The following IMPDH2 variants were observed in gnomAD, a reference collection of about 807,000 sequenced individuals.
The protein encoded by IMPDH2 is inosine monophosphate dehydrogenase 2.
IMPDH2 carries 33 observed loss-of-function variants against 57.8 expected under a neutral mutation model. That is an observed-to-expected ratio of 0.57 (90% CI 0.43 to 0.76). IMPDH2 has a LOEUF of 0.76. IMPDH2 is among the 30% of genes least tolerant of loss of function. IMPDH2 has a pLI of 0.00. For missense variants in IMPDH2, 446 were observed against 659.1 expected (o/e 0.68, Z 3.54); for synonymous variants, 270 against 241.3 (o/e 1.12, Z -1.10).
chr3:49,029,367 C>A lies in IMPDH2; in HGVS notation c.-17G>T, dbSNP rs202072822. The A allele has an allele frequency of 6.5e-7, 1 of 1,541,670 alleles. No homozygotes were observed. The highest frequency in any genetic ancestry group is 1.4e-5 in the African/African-American group (1 of 73,832). On this transcript the variant is annotated 5_prime_UTR_variant, in exon 1 of 14. Transcript: ENST00000326739. ...GTCGGCCATGGCCAACACAGGACACCGCCGCGTGTCTCCGAGGACCGCGCC... is the reference window on the plus strand; with the variant it reads ...GTCGGCCATGGCCAACACAGGACACAGCCGCGTGTCTCCGAGGACCGCGCC...
At chr3:49,027,075 G>A (rs2093202762) in intron 5 of IMPDH2, 28 bp from the exon 6 acceptor site, 1 of 1,524,230 alleles carries the variant, frequency 6.6e-7, no homozygotes, top group Admixed American at 1.7e-5. Flanking sequence ...TGTGAAGAAG[G>A]GCCAGTCATC....
Position 49,028,413 on chromosome 3 carries a change from A to T in IMPDH2, c.249+18T>A. ...CGATGGAGTCCTTGCTCCTTCCCCC[A>T]CACCCCATGGGGCTCACCGCCATTG... On this transcript the variant is annotated intron_variant, in intron 3 of 13. Coordinates refer to ENST00000326739, the MANE Select transcript of IMPDH2 (RefSeq NM_000884.3). The T allele has an allele frequency of 1.2e-6, 2 of 1,611,176 alleles. No homozygotes were observed. Among genetic ancestry groups the T allele is most frequent in the Non-Finnish European group, 1.7e-6 (2 of 1,177,356 alleles).
Position 49,024,335 on chromosome 3 carries a change from C to A in IMPDH2, c.*48G>T. On this transcript the variant is annotated 3_prime_UTR_variant, in exon 14 of 14. Transcript: ENST00000326739. ...AAGATCAGGCATCACTTTTTTCTTT[C>A]TAAACTTTTATTGAAAAAAAAACCG... 6 of 1,607,730 alleles carry A rather than the reference C, an allele frequency of 3.7e-6. 1 individual carries two copies. The highest frequency in any genetic ancestry group is 5.1e-6 in the Non-Finnish European group (6 of 1,175,258).
At chr3:49,024,460 A>G (rs1381543170) in intron 13 of IMPDH2, 35 bp downstream of exon 13, 2 of 1,613,962 alleles carry the variant, frequency 1.2e-6, no homozygotes, top group South Asian at 2.2e-5. Context: ...GGCATGAGGT[A>G]TGGCAGAGGC....
At position 49,026,895 on chromosome 3, in the gene IMPDH2, A is replaced by C. The variant is rs370246056; in HGVS notation, c.620-9T>G. On this transcript the variant is annotated splice_polypyrimidine_tract_variant and intron_variant, in intron 6 of 13. Coordinates refer to ENST00000326739, the MANE Select transcript of IMPDH2 (RefSeq NM_000884.3). ...TACAATGGGCAACTTTCCTGTGGTCAGGGCAGGACATGAATCAGGACCCTA... is the reference window on the plus strand; with the variant it reads ...TACAATGGGCAACTTTCCTGTGGTCCGGGCAGGACATGAATCAGGACCCTA... 1.2e-5 allele frequency: 20 copies of C among 1,614,080 alleles called. No homozygotes were observed. The highest frequency in any genetic ancestry group is 3.3e-5 in the Admixed American group (2 of 60,010).
At chr3:49,025,915 C>T (rs1018341796) in intron 9 of IMPDH2, 2 of 458,788 alleles carry the variant, frequency 4.4e-6, no homozygotes, top group South Asian at 1.6e-5. Context: ...GCACCACAAA[C>T]CCCGGGAGCT....
chr3:49,027,656 T>C (rs962023895), intron 5 of IMPDH2, 54 bp downstream of exon 5: 1 of 1,472,524 alleles, frequency 6.8e-7, no homozygotes, highest in South Asian at 1.1e-5. Flanking sequence ...CAGAAGCCCC[T>C]TGTCTTCAAC....
chr3:49,028,027 C>A lies in IMPDH2; in HGVS notation c.325-111G>T, dbSNP rs80161481. 1.0e-5 allele frequency: 9 copies of A among 870,618 alleles called. No homozygotes were observed. The East Asian group carries it at 2.4e-4, about 23-fold the overall frequency. 53.9% of individuals were successfully genotyped at this position (870,618 alleles called of 1,614,324 possible). On this transcript the variant is annotated intron_variant, in intron 4 of 13. Coordinates refer to ENST00000326739, the MANE Select transcript of IMPDH2 (RefSeq NM_000884.3). Reference sequence around the variant, plus strand: ...CGATCCCTTTGGCAGTGCCACAAGACCAAATCACACCAACACATCTTAGAG... The same window carrying A: ...CGATCCCTTTGGCAGTGCCACAAGAACAAATCACACCAACACATCTTAGAG...
chr3:49,026,955 CT>C lies in IMPDH2; in HGVS notation c.619+4del. ...TCCAGGCCCTTTCCCAGCTCTAGGA[CT>C]TACCCTTCTTGCTGCGCTGCAGAAT... is the stretch of plus-strand genomic sequence containing the variant. On this transcript the variant is annotated splice_donor_region_variant and intron_variant, in intron 6 of 13. Transcript: ENST00000326739. The C allele has an allele frequency of 6.2e-7, 1 of 1,614,036 alleles. No individual in the cohort carries two copies. The highest frequency in any genetic ancestry group is 8.5e-7 in the Non-Finnish European group (1 of 1,179,868).
chr3:49,024,358 C>G lies in IMPDH2; in HGVS notation c.*25G>C, dbSNP rs1325052301. The stretch of plus-strand genomic sequence containing the variant: ...TTCTAAACTTTTATTGAAAAAAAAA[C>G]CGAGGAGGTGTGCTGGATCCCTTTT... On this transcript the variant is annotated 3_prime_UTR_variant, in exon 14 of 14. Transcript: ENST00000326739. 1.2e-6 allele frequency: 2 copies of G among 1,612,378 alleles called. No individual in the cohort carries two copies. The highest frequency in any genetic ancestry group is 1.7e-6 in the Non-Finnish European group (2 of 1,178,860).
chr3:49,026,521 T>C lies in IMPDH2; in HGVS notation c.908A>G (p.Asn303Ser). Reference sequence around the variant, plus strand: ...TTCAGGGCACAATCTTGCCTTACCATTGCCTCCAATGACTTGGAGATTAGG... The same window carrying C: ...TTCAGGGCACAATCTTGCCTTACCACTGCCTCCAATGACTTGGAGATTAGG... Reference protein sequence around the residue: ...KYPNLQVIGGNVVTAAQAKNL... With the variant: ...KYPNLQVIGGSVVTAAQAKNL... The change falls in exon 8 of 14, where the codon AAT (asparagine) becomes AGT (serine). Residue 303 changes from asparagine to serine, a missense_variant and splice_region_variant. Transcript: ENST00000326739. 6.2e-7 allele frequency: 1 copy of C among 1,612,564 alleles called. No individual in the cohort carries two copies. The highest frequency in any genetic ancestry group is 2.2e-5 in the East Asian group (1 of 44,874).
At chr3:49,026,114 G>C in intron 9 of IMPDH2, 1 of 675,754 alleles carries the variant, frequency 1.5e-6, no homozygotes, top group Non-Finnish European at 2.7e-6. Context: ...CAGAGCAGGA[G>C]CAAGAAGGCC....
Position 49,027,841 on chromosome 3 carries a change from T to C in IMPDH2, c.400A>G (p.Lys134Glu). 3 of 1,614,234 alleles carry C rather than the reference T, an allele frequency of 1.9e-6. No homozygotes were observed. Among genetic ancestry groups the C allele is most frequent in the Non-Finnish European group, 2.5e-6 (3 of 1,180,038 alleles). The change falls in exon 5 of 14, where the codon AAG becomes GAG. Residue 134 changes from lysine to glutamate, a missense_variant. Physicochemically the swap from Lys to Glu is moderately conservative, Grantham distance 56. Coordinates refer to ENST00000326739, the MANE Select transcript of IMPDH2 (RefSeq NM_000884.3). ...KDRVRDVFEAKARHGFCGIPI... is the reference protein window; with the variant it reads ...KDRVRDVFEAEARHGFCGIPI... ...ATACCGCAGAAACCATGCCGGGCCT[T>C]GGCCTCAAAAACATCCCGCACGCGA... is the stretch of plus-strand genomic sequence containing the variant.
chr3:49,028,288 CA>C lies in IMPDH2; in HGVS notation c.283del (p.Cys95ValfsTer13), dbSNP rs748730953. On this transcript the variant is annotated frameshift_variant, in exon 4 of 14. Transcript: ENST00000326739. LOFTEE classifies it high-confidence loss of function. ...TGGIGFIHHNCTPEFQANEVR... is the reference protein window; with the variant it reads ...TGGIGFIHHNXTPEFQANEVR... Reference sequence around the variant, plus strand: ...TTCATTGGCCTGGAATTCAGGTGTACAGTTGTGGTGGATGAAGCCAATACCG... The same window carrying C: ...TTCATTGGCCTGGAATTCAGGTGTACGTTGTGGTGGATGAAGCCAATACCG... 3 of 1,614,154 alleles carry C rather than the reference CA, an allele frequency of 1.9e-6. No homozygotes were observed. Among genetic ancestry groups the C allele is most frequent in the Non-Finnish European group, 2.5e-6 (3 of 1,180,022 alleles).
intron 2 of IMPDH2, 40 bp downstream of exon 2, chr3:49,028,718 T>A (rs763412006): frequency 2.6e-6 from 4 of 1,566,750 alleles, no homozygotes; most frequent in Non-Finnish European, 3.5e-6. Flanking sequence ...GCACCTTAGC[T>A]CACCTTGATG....
chr3:49,028,395 G>A (rs959179838), intron 3 of IMPDH2, 36 bp downstream of exon 3: 3 of 1,603,534 alleles, frequency 1.9e-6, no homozygotes, highest in Non-Finnish European at 8.5e-7. Flanking sequence ...AGGCGATGGA[G>A]TCCTTGCTCC....
At chr3:49,029,163 C>A in intron 1 of IMPDH2, 90 bp downstream of exon 1, 1 of 1,079,980 alleles carries the variant, frequency 9.3e-7, no homozygotes, top group Non-Finnish European at 1.4e-6. Context: ...CCCACGCCCA[C>A]GCCCAAGGCG....
chr3:49,028,083 G>A (rs570760828), intron 4 of IMPDH2, 165 bp downstream of exon 4: 1 of 777,102 alleles, frequency 1.3e-6, no homozygotes, highest in South Asian at 1.6e-5. Context: ...CTGTACACCT[G>A]GTCTATTGCT....
At chr3:49,025,086 G>T (rs910777504) in intron 10 of IMPDH2, 40 bp downstream of exon 10, 1 of 1,614,114 alleles carries the variant, frequency 6.2e-7, no homozygotes, top group African/African-American at 1.3e-5. Flanking sequence ...GCAGCACTAG[G>T]GAGGGGGTCC....
Sources: allele counts gnomAD v4.1 joint callset, GRCh38; gene constraint gnomAD v4.1.1; transcripts MANE v1.5; gene names NCBI Gene and HGNC (gene_info 2026-07-23, HGNC 2026-07-21).